CTNNA2: variants seen among roughly 807,000 people sequenced by gnomAD.
The protein encoded by CTNNA2 is catenin alpha-2.
A neutral mutation model predicts 101.0 loss-of-function variants in CTNNA2; 42 were observed. That is an observed-to-expected ratio of 0.42 (90% confidence interval 0.32 to 0.54). The LOEUF (loss-of-function observed/expected upper bound fraction) is 0.54. Ranked by LOEUF, CTNNA2 falls within the 20% of genes least tolerant of loss-of-function variation. The pLI is 0.14. For synonymous variants in CTNNA2, 450 were observed against 456.4 expected (o/e 0.99, Z 0.18); for missense variants, 871 against 1,223.1 (o/e 0.71, Z 4.29).
chr2:79,885,584 A>G (rs1019712731), intron 6 of CTNNA2, among the ~76,000 whole-genome samples: 2 of 152,230 alleles, frequency 1.3e-5, no homozygotes, highest in Non-Finnish European at 2.9e-5. Context: ...ATACTTATTT[A>G]TCAGGGAAAC....
rs138904982 is a variant in CTNNA2, at chr2:79,895,147, A to C, written c.853-14447A>C. Among the ~76,000 whole-genome samples the C allele has an allele frequency of 2.0e-4, 30 of 152,346 alleles. 1 individual carries two copies. The highest frequency in any genetic ancestry group is 7.0e-4 in the African/African-American group (29 of 41,576). On this transcript the variant is annotated intron_variant, in intron 6 of 18. Transcript: ENST00000402739. ...ATGATCGTTAACAGATGTGCATCACAATTCAGAGTTCAAAAGAGAACATGA... is the reference window on the plus strand; with the variant it reads ...ATGATCGTTAACAGATGTGCATCACCATTCAGAGTTCAAAAGAGAACATGA...
intron 7 of CTNNA2, among the ~76,000 whole-genome samples, chr2:80,225,356 C>CT (rs1708820942): frequency 6.6e-6 from 1 of 152,168 alleles, no homozygotes. Flanking sequence ...ATTTGTGTCT[C>CT]TGGGCACTGC....
chr2:79,437,686 C>G (rs1354843516), intron 4 of CTNNA2, among the ~76,000 whole-genome samples: 2 of 152,180 alleles, frequency 1.3e-5, no homozygotes, highest in Non-Finnish European at 2.9e-5. Context: ...AGGTCAGGAG[C>G]ACTTCCTTCT....
chr2:79,418,832 G>A (rs1471092696), intron 4 of CTNNA2, among the ~76,000 whole-genome samples: 1 of 152,152 alleles, frequency 6.6e-6, no homozygotes, highest in South Asian at 2.1e-4. Context: ...GCTCCCTAGA[G>A]TTATACAGTA....
chr2:79,347,269 C>G (rs552719998), intron 3 of CTNNA2, among the ~76,000 whole-genome samples: 7 of 152,010 alleles, frequency 4.6e-5, no homozygotes, highest in Non-Finnish European at 1.0e-4. Flanking sequence ...TCCTCAAGAG[C>G]TATTAGTTAA....
chr2:79,743,542 T>A (rs1386666821), intron 2 of CTNNA2, among the ~76,000 whole-genome samples: 3 of 151,284 alleles, frequency 2.0e-5, no homozygotes, highest in South Asian at 2.1e-4. Flanking sequence ...ATTTATTTTT[T>A]TTTTTTTTGA....
chr2:79,819,169 G>A (rs924545406), intron 3 of CTNNA2, among the ~76,000 whole-genome samples: 5 of 151,444 alleles, frequency 3.3e-5, no homozygotes, highest in Admixed American at 1.3e-4. Context: ...AGTAGAGATG[G>A]GGTTTCTCCA....
At chr2:79,807,321 A>T (rs72914645) in intron 3 of CTNNA2, among the ~76,000 whole-genome samples, 4,511 of 152,128 alleles carry the variant, frequency 0.03, 243 homozygotes, top group African/African-American at 0.1. Flanking sequence ...TTATTGTTTG[A>T]CTTTTATAAC....
intron 7 of CTNNA2, among the ~76,000 whole-genome samples, chr2:80,324,917 C>T (rs1016040207): frequency 2.0e-5 from 3 of 152,130 alleles, no homozygotes; most frequent in African/African-American, 7.2e-5. Flanking sequence ...CCTGACCACT[C>T]CATCTAAAGA....
intron 7 of CTNNA2, among the ~76,000 whole-genome samples, chr2:80,367,320 C>G (rs912546617): frequency 6.6e-6 from 1 of 152,070 alleles, no homozygotes; most frequent in African/African-American, 2.4e-5. Flanking sequence ...TTGAGACCTC[C>G]GACTGACTAG....
At chr2:80,577,308 G>A (rs191816750) in intron 13 of CTNNA2, among the ~76,000 whole-genome samples, 347 of 152,194 alleles carry the variant, frequency 2.3e-3, no homozygotes, top group African/African-American at 8.1e-3. Flanking sequence ...AGAGCTTCTG[G>A]TGGGCATGGA....
intron 12 of CTNNA2, among the ~76,000 whole-genome samples, chr2:80,558,470 G>C (rs528333691): frequency 3.7e-4 from 43 of 116,390 alleles, no homozygotes; most frequent in African/African-American, 1.0e-3. Context: ...ATATATGTGT[G>C]TGTGTGTGTG....
chr2:80,348,554 TA>T (rs1672991520), intron 7 of CTNNA2, among the ~76,000 whole-genome samples: 1 of 152,166 alleles, frequency 6.6e-6, no homozygotes, highest in Non-Finnish European at 1.5e-5. Flanking sequence ...CTAAAGCCCG[TA>T]CTTTTCTGAT....
intron 9 of CTNNA2, among the ~76,000 whole-genome samples, chr2:80,433,933 A>G (rs2149430613): frequency 6.6e-6 from 1 of 152,354 alleles, no homozygotes. Context: ...TTTGAGAGTA[A>G]CAATTACTTT....
At chr2:80,320,086 A>G (rs1463212724) in intron 7 of CTNNA2, among the ~76,000 whole-genome samples, 3 of 152,236 alleles carry the variant, frequency 2.0e-5, no homozygotes, top group Non-Finnish European at 4.4e-5. Context: ...ATTTTTAAAC[A>G]ACTCAACAAT....
At chr2:79,719,721 C>T (rs547207893) in intron 2 of CTNNA2, among the ~76,000 whole-genome samples, 17 of 152,154 alleles carry the variant, frequency 1.1e-4, no homozygotes, top group Admixed American at 4.6e-4. Flanking sequence ...TGTTCATGTC[C>T]TTTGCCCGTT....
chr2:79,953,004 C>T lies in CTNNA2; in HGVS notation c.1056+43207C>T, dbSNP rs76716114. 5.6e-3 allele frequency among the ~76,000 whole-genome samples: 846 copies of T among 152,316 alleles called. 5 individuals carry two copies. Among genetic ancestry groups the T allele is most frequent in the Admixed American group, 9.2e-3 (140 of 15,298 alleles). On this transcript the variant is annotated intron_variant, in intron 7 of 18. Coordinates refer to ENST00000402739, the MANE Select transcript of CTNNA2 (RefSeq NM_001282597.3). ...TGCTGACAAGGTTTTTGTGATGTCT[C>T]AGGATGTAGCCCTGTGAAACTAACA... is the stretch of plus-strand genomic sequence containing the variant.
chr2:79,616,986 C>T (rs753394252), intron 1 of CTNNA2, among the ~76,000 whole-genome samples: 13 of 151,664 alleles, frequency 8.6e-5, no homozygotes, highest in Non-Finnish European at 1.6e-4. Context: ...ACTGCAACCT[C>T]CACCTCCCGG....
chr2:80,204,976 C>A (rs1052474768), intron 7 of CTNNA2, among the ~76,000 whole-genome samples: 1 of 152,096 alleles, frequency 6.6e-6, no homozygotes, highest in Non-Finnish European at 1.5e-5. Context: ...GTTTTTAAAA[C>A]CATCAGATCT....
Sources: gnomAD v4.1 joint callset for allele counts (sites outside exome capture counted in the v4.1 genomes callset) on GRCh38, gnomAD v4.1.1 for gene constraint, MANE v1.5 for transcripts, NCBI Gene and HGNC (gene_info 2026-07-23, HGNC 2026-07-21) for gene names.